Variants in SREK1 observed in about 807,000 individuals in gnomAD.
SREK1 encodes the protein splicing regulatory glutamine/lysine-rich protein 1.
SREK1 carries 13 observed loss-of-function variants against 66.5 expected under a neutral mutation model. The ratio of observed to expected loss-of-function variants is 0.20; its 90% CI spans 0.13 to 0.31. The LOEUF (loss-of-function observed/expected upper bound fraction) is 0.31. SREK1 is among the 10% of genes least tolerant of loss of function. The pLI, the probability that SREK1 is intolerant of heterozygous loss-of-function variation, is 1.00. For synonymous variants in SREK1, 265 were observed against 263.5 expected (o/e 1.01, Z -0.05); for missense variants, 607 against 769.6 (o/e 0.79, Z 2.50).
chr5:66,145,903 T>C (rs1165639025), intron 1 of SREK1, among the ~76,000 whole-genome samples: 1 of 151,444 alleles, frequency 6.6e-6, no homozygotes, highest in African/African-American at 2.4e-5. Flanking sequence ...GACATTGATA[T>C]TTTGTTTTGT....
chr5:66,145,324 C>A, intron 1 of SREK1: 1 of 290,936 alleles, frequency 3.4e-6, no homozygotes, highest in Non-Finnish European at 5.1e-6. Flanking sequence ...AGAAAACTCG[C>A]AAGGGGTTTG....
chr5:66,171,831 A>G (rs1745665675), intron 9 of SREK1, among the ~76,000 whole-genome samples: 1 of 152,248 alleles, frequency 6.6e-6, no homozygotes, highest in Admixed American at 6.5e-5. Context: ...TATGCCAGAC[A>G]TGATGTCAGT....
intron 2 of SREK1, 193 bp from the exon 3 acceptor site, chr5:66,159,025 TG>T (rs1744511470): frequency 7.1e-7 from 1 of 1,415,566 alleles, no homozygotes; most frequent in Non-Finnish European, 9.2e-7. Context: ...TTTGAAGTTT[TG>T]CTCACTTTTA....
chr5:66,147,512 C>G (rs1045126080), intron 1 of SREK1, among the ~76,000 whole-genome samples: 17 of 152,308 alleles, frequency 1.1e-4, no homozygotes, highest in Non-Finnish European at 1.8e-4. Context: ...TGACCCCCTT[C>G]AAGTAACTAA....
intron 2 of SREK1, chr5:66,158,143 A>G (rs1744448182): frequency 6.6e-6 from 1 of 151,090 alleles, no homozygotes; most frequent in Non-Finnish European, 1.5e-5. Context: ...TAAGGGGATA[A>G]GGAAAAATAA....
chr5:66,174,265 C>T (rs983294767), intron 9 of SREK1, among the ~76,000 whole-genome samples: 25 of 151,956 alleles, frequency 1.6e-4, no homozygotes, highest in East Asian at 3.9e-4. Flanking sequence ...ATAATAATAA[C>T]GTAATCTATT....
In SREK1 at chr5:66,179,540, C is replaced by G. The variant is rs751797318; in HGVS notation, c.*672C>G. The stretch of plus-strand genomic sequence containing the variant: ...GTTCTCTTTCAAAAGGAAGAGCAAC[C>G]GTGTTGAATACTAATAATGATGAAT... On this transcript the variant is annotated 3_prime_UTR_variant, in exon 12 of 12. Coordinates refer to ENST00000334121, the MANE Select transcript of SREK1 (RefSeq NM_001077199.3). 2 of 152,330 alleles carry G rather than the reference C, an allele frequency of 1.3e-5. No homozygotes were observed. Among genetic ancestry groups the G allele is most frequent in the Admixed American group, 6.6e-5 (1 of 15,234 alleles). 9.4% of individuals were successfully genotyped at this position (152,330 alleles called of 1,614,324 possible).
At chr5:66,175,134 A>G in intron 10 of SREK1, 93 bp downstream of exon 10, 11 of 1,038,512 alleles carry the variant, frequency 1.1e-5, no homozygotes, top group East Asian at 2.6e-5. Context: ...TAAACTTTAT[A>G]TTTTGAATGA....
At chr5:66,149,308 C>G (rs987995656) in intron 1 of SREK1, among the ~76,000 whole-genome samples, 1 of 151,932 alleles carries the variant, frequency 6.6e-6, no homozygotes, top group African/African-American at 2.4e-5. Flanking sequence ...CGGGATCCCG[C>G]CATTGCACTC....
chr5:66,177,757 A>G (rs1746178654), intron 11 of SREK1, 99 bp downstream of exon 11: 6 of 954,262 alleles, frequency 6.3e-6, no homozygotes, highest in Non-Finnish European at 8.7e-6. Context: ...TGTCTTGTAC[A>G]TTGTTGGCAT....
chr5:66,149,209 T>C (rs558776461), intron 1 of SREK1, among the ~76,000 whole-genome samples: 21 of 152,092 alleles, frequency 1.4e-4, no homozygotes, highest in African/African-American at 4.8e-4. Context: ...AAAAATTAGC[T>C]GGGTGTGGTG....
chr5:66,168,301 A>G (rs1745330902), intron 7 of SREK1: 1 of 152,180 alleles, frequency 6.6e-6, no homozygotes, highest in Non-Finnish European at 1.5e-5. Flanking sequence ...TTTTGTTATT[A>G]ATGAGGATTA....
At chr5:66,173,309 A>T (rs1205191780) in intron 9 of SREK1, among the ~76,000 whole-genome samples, 5 of 152,206 alleles carry the variant, frequency 3.3e-5, no homozygotes, top group African/African-American at 1.2e-4. Context: ...TTTAATGCTT[A>T]AATTTACTGT....
rs984786269 is a variant in SREK1 at position 66,182,004 on chromosome 5, C to T, written c.*3136C>T. The T allele has an allele frequency of 6.0e-5, 9 of 151,098 alleles. No individual in the cohort carries two copies. The highest frequency in any genetic ancestry group is 2.2e-4 in the African/African-American group (9 of 41,260). The allele number at this position is 151,098 out of a possible 1,614,324, so 9.4% of individuals were successfully genotyped here. On this transcript the variant is annotated 3_prime_UTR_variant, in exon 12 of 12. Transcript: ENST00000334121. ...GCTATCTTTATTTTAAAACTTAGAA[C>T]CCTGATCTAACTCCCTTCTCAAGTG...
At chr5:66,148,271 G>A (rs1298610220) in intron 1 of SREK1, among the ~76,000 whole-genome samples, 2 of 152,036 alleles carry the variant, frequency 1.3e-5, no homozygotes, top group East Asian at 3.9e-4. Flanking sequence ...CTCATGTTTT[G>A]GCATATCTTT....
intron 10 of SREK1, among the ~76,000 whole-genome samples, 161 bp downstream of exon 10, chr5:66,175,202 A>G (rs569302585): frequency 2.7e-4 from 41 of 152,304 alleles, no homozygotes; most frequent in African/African-American, 9.1e-4. Flanking sequence ...AGGAAGTCTT[A>G]ATTTCCACTC....
At position 66,144,544 on chromosome 5, in the gene SREK1, G is replaced by C; in HGVS notation, c.161+7G>C. 1.3e-6 allele frequency: 2 copies of C among 1,548,318 alleles called. No individual in the cohort carries two copies. Among genetic ancestry groups the C allele is most frequent in the Non-Finnish European group, 1.7e-6 (2 of 1,145,104 alleles). On this transcript the variant is annotated splice_region_variant and intron_variant, in intron 1 of 11. Transcript: ENST00000334121. ...TGCGGCTCTACCCCCCGGAGTAAGT[G>C]CTGGAGCTCGGCTGGGGGAGGGGCG... is the stretch of plus-strand genomic sequence containing the variant.
chr5:66,164,064 A>G (rs1270508740), intron 6 of SREK1, 142 bp downstream of exon 6: 6 of 1,011,756 alleles, frequency 5.9e-6, no homozygotes, highest in Non-Finnish European at 8.4e-6. Context: ...TAAGTAGCAT[A>G]CTCATGTCAA....
At position 66,146,149 on chromosome 5, in the gene SREK1, T is replaced by C. The variant is rs146644998; in HGVS notation, c.161+1612T>C. Among the ~76,000 whole-genome samples, 894 of 152,314 alleles carry C rather than the reference T, an allele frequency of 5.9e-3. 12 individuals are homozygous for C. Among genetic ancestry groups the C allele is most frequent in the African/African-American group, 0.021 (859 of 41,558 alleles). On this transcript the variant is annotated intron_variant, in intron 1 of 11. Coordinates refer to ENST00000334121, the MANE Select transcript of SREK1 (RefSeq NM_001077199.3). Reference sequence around the variant, plus strand: ...GGAAATGCTTTCAGCCATCTCAATTTAAGTTCTCAGAACATTTCTTAATAG... The same window carrying C: ...GGAAATGCTTTCAGCCATCTCAATTCAAGTTCTCAGAACATTTCTTAATAG...
Sources: gnomAD v4.1 joint callset for allele counts (sites outside exome capture counted in the v4.1 genomes callset) on GRCh38, gnomAD v4.1.1 for gene constraint, MANE v1.5 for transcripts, NCBI Gene and HGNC (gene_info 2026-07-23, HGNC 2026-07-21) for gene names.